Variants in REPS1 observed in about 807,000 individuals in gnomAD.
REPS1 encodes RALBP1 associated Eps domain containing 1.
In REPS1, 39 loss-of-function variants were observed where a neutral mutation model predicts 100.9. The ratio of observed to expected loss-of-function variants is 0.39; its 90% CI spans 0.30 to 0.50. The LOEUF (loss-of-function observed/expected upper bound fraction) is 0.50. Among genes scored for constraint, REPS1 ranks in the 20% least tolerant of loss-of-function variants. The pLI is 0.86. For missense variants in REPS1, 821 were observed against 968.5 expected, an observed-to-expected ratio of 0.85 and a Z score of 2.02; for synonymous variants, 324 against 340.3, an observed-to-expected ratio of 0.95 and a Z score of 0.53.
intron 2 of REPS1, among the ~76,000 whole-genome samples, chr6:138,947,412 G>A (rs1199023233): frequency 6.6e-6 from 1 of 152,096 alleles, no homozygotes; most frequent in Non-Finnish European, 1.5e-5. Flanking sequence ...GTATAATGTT[G>A]TTTTATTGGA....
intron 1 of REPS1, among the ~76,000 whole-genome samples, chr6:138,963,730 C>A (rs9495292): frequency 0.25 from 38,170 of 151,926 alleles, 5,554 homozygotes; most frequent in African/African-American, 0.41. Context: ...GCCAAAGCCC[C>A]GTCATTCCAA....
intron 19 of REPS1, among the ~76,000 whole-genome samples, chr6:138,906,190 A>G (rs761078480): frequency 1.3e-5 from 2 of 152,250 alleles, no homozygotes; most frequent in Non-Finnish European, 2.9e-5. Context: ...TAATAATCAT[A>G]TAACTACAAA....
intron 4 of REPS1, 40 bp from the exon 5 acceptor site, chr6:138,944,662 G>T (rs761985765): frequency 6.4e-7 from 1 of 1,568,572 alleles, no homozygotes; most frequent in Admixed American, 2.0e-5. Flanking sequence ...TCATGTTTGA[G>T]GAAAAAAGTT....
chr6:138,914,124 C>A (rs1780198357), intron 15 of REPS1, among the ~76,000 whole-genome samples: 1 of 152,110 alleles, frequency 6.6e-6, no homozygotes, highest in African/African-American at 2.4e-5. Context: ...GGCTGGAGTG[C>A]AGTGGTGCAA....
Position 138,945,639 on chromosome 6 carries a change from A to C in REPS1, c.336T>G (p.His112Gln). Residue 112 changes from histidine (H) to glutamine (Q), a missense_variant, in exon 3 of 20, where the codon CAT becomes CAG. Coordinates refer to ENST00000450536, the MANE Select transcript of REPS1 (RefSeq NM_001286611.2). ...CAGAATCTGAAGAATATGAGGCTGC[A>C]TGGCGAGATTCCTGTTCATTCTTTG... ...VASKNEQESRHAASYSSDSEN... is the reference protein window; with the variant it reads ...VASKNEQESRQAASYSSDSEN... 1 of 1,613,404 alleles carries C rather than the reference A, an allele frequency of 6.2e-7. No homozygotes were observed. The highest frequency in any genetic ancestry group is 2.2e-5 in the East Asian group (1 of 44,848).
At position 138,962,280 on chromosome 6, in the gene REPS1, C is replaced by T. The variant is rs118068915; in HGVS notation, c.154-14367G>A. 7.6e-4 allele frequency among the ~76,000 whole-genome samples: 116 copies of T among 152,212 alleles called. No homozygotes were observed. In the East Asian group the frequency reaches 0.011, roughly 14 times the overall value. On this transcript the variant is annotated intron_variant, in intron 1 of 19. Transcript: ENST00000450536. ...GTTTCATGAAAGATAATCTTACATA[C>T]AGGCATTATTATATATTAACCTCCC...
At chr6:138,919,128 T>A (rs957879751) in intron 12 of REPS1, among the ~76,000 whole-genome samples, 1 of 152,148 alleles carries the variant, frequency 6.6e-6, no homozygotes, top group African/African-American at 2.4e-5. Flanking sequence ...TCAGTTTTCC[T>A]CATTTTCCTG....
rs950728676 is a variant in REPS1 at position 138,930,087 on chromosome 6, G to A, written c.1147C>T (p.Gln383Ter). 1 of 1,612,806 alleles carries A rather than the reference G, an allele frequency of 6.2e-7. No homozygotes were observed. Among genetic ancestry groups the A allele is most frequent in the Non-Finnish European group, 8.5e-7 (1 of 1,179,060 alleles). ...CCTGAATAACCTACCTCACCTGGCTGATCCCCAACATCTGCAATTTAAAAA... is the reference window on the plus strand; with the variant it reads ...CCTGAATAACCTACCTCACCTGGCTAATCCCCAACATCTGCAATTTAAAAA... ...DLEDSADVGD[Q>*]PGEVGYSGSP... The change falls in exon 9 of 20, where the codon CAG becomes TAG. Residue 383 changes from glutamine (Q) to a stop codon, truncating the protein, a stop_gained. Coordinates refer to ENST00000450536, the MANE Select transcript of REPS1 (RefSeq NM_001286611.2). LOFTEE classifies it high-confidence loss of function.
chr6:138,939,623 G>T (rs1782098087), intron 8 of REPS1, among the ~76,000 whole-genome samples: 1 of 152,106 alleles, frequency 6.6e-6, no homozygotes, highest in South Asian at 2.1e-4. Flanking sequence ...GTATTATTGT[G>T]CTGTCGGTTT....
At chr6:138,937,189 A>T (rs1197096870) in intron 8 of REPS1, among the ~76,000 whole-genome samples, 1 of 152,154 alleles carries the variant, frequency 6.6e-6, no homozygotes, top group African/African-American at 2.4e-5. Context: ...TGCCCCCATG[A>T]TTCAATTACC....
At position 138,914,744 on chromosome 6, in the gene REPS1, C is replaced by G; in HGVS notation, c.1738G>C (p.Val580Leu). The G allele has an allele frequency of 6.2e-7, 1 of 1,611,760 alleles. No individual in the cohort carries two copies. Among genetic ancestry groups the G allele is most frequent in the Non-Finnish European group, 8.5e-7 (1 of 1,179,404 alleles). ...TVTTGQQQAG[V>L]VAHPPAVPPR... ...GGCACTGCAGGAGGATGGGCAACAA[C>G]TCCAGCCTGTTGTTGTCCTGCATGA... is the stretch of plus-strand genomic sequence containing the variant. The change falls in exon 15 of 20, where the codon GTT becomes CTT. Residue 580 changes from valine (V) to leucine (L), a missense_variant. By Grantham distance (32) the Val-to-Leu change is conservative. This residue lies in a region of REPS1 where 757 missense variants were observed against 866.4 expected (regional missense o/e 0.87). Transcript: ENST00000450536.
chr6:138,939,216 T>A (rs1782065827), intron 8 of REPS1, among the ~76,000 whole-genome samples: 2 of 152,138 alleles, frequency 1.3e-5, no homozygotes, highest in African/African-American at 4.8e-5. Flanking sequence ...TTGAATGTAA[T>A]ATAATACCGT....
chr6:138,964,577 T>C (rs1357566695), intron 1 of REPS1, among the ~76,000 whole-genome samples: 1 of 152,056 alleles, frequency 6.6e-6, no homozygotes, highest in East Asian at 1.9e-4. Context: ...CCACAATGTA[T>C]ACATATTTCA....
Position 138,915,869 on chromosome 6 carries a change from G to A in REPS1, c.1709C>T (p.Thr570Ile). ...TCTCTAGCCCCTACCTGTGGTGACT[G>A]TAAAGGTCCGATTCATATCTAAAGA... Reference protein sequence around the residue: ...SSSLDMNRTFTVTTGQQQAGV... With the variant: ...SSSLDMNRTFIVTTGQQQAGV... The change falls in exon 14 of 20, where the codon ACA becomes ATA. Residue 570 changes from threonine (T) to isoleucine (I), a missense_variant. By Grantham distance (89) the Thr-to-Ile change is moderately conservative. This residue lies in a region of REPS1 where 757 missense variants were observed against 866.4 expected (regional missense o/e 0.87). Coordinates refer to ENST00000450536, the MANE Select transcript of REPS1 (RefSeq NM_001286611.2). 6.2e-7 allele frequency: 1 copy of A among 1,607,888 alleles called. No homozygotes were observed. Among genetic ancestry groups the A allele is most frequent in the Non-Finnish European group, 8.5e-7 (1 of 1,174,318 alleles).
rs1419437713 is a variant in REPS1, at chr6:138,914,714, T to G, written c.1768A>C (p.Arg590=). 6.2e-7 allele frequency: 1 copy of G among 1,613,264 alleles called. No individual in the cohort carries two copies. The highest frequency in any genetic ancestry group is 8.5e-7 in the Non-Finnish European group (1 of 1,179,670). ...VVAHPPAVPP[R]PQPSQAPGPA... Reference sequence around the variant, plus strand: ...AGAATTACCTGTGAGGGCTGTGGTCTTGGAGGCACTGCAGGAGGATGGGCA... The same window carrying G: ...AGAATTACCTGTGAGGGCTGTGGTCGTGGAGGCACTGCAGGAGGATGGGCA... Residue 590 remains arginine (R), a synonymous_variant, in exon 15 of 20, where the codon AGA becomes CGA. Transcript: ENST00000450536.
chr6:138,952,391 T>C (rs1440332536), intron 1 of REPS1, among the ~76,000 whole-genome samples: 2 of 148,436 alleles, frequency 1.3e-5, no homozygotes, highest in African/African-American at 5.2e-5. Flanking sequence ...ATCAGTAGCA[T>C]TTTTTTTTCT....
At chr6:138,908,613 T>A in intron 18 of REPS1, 55 bp downstream of exon 18, 1 of 1,594,676 alleles carries the variant, frequency 6.3e-7, no homozygotes, top group South Asian at 1.1e-5. Context: ...TTACTTTTAA[T>A]TGTCGTGCTT....
Position 138,920,328 on chromosome 6 carries a change from T to A in REPS1, c.1427-12A>T. ...GGGATTTGTATGATCTAATAGAGAA[T>A]TAATAGGTAAAAATACAAGACATAG... On this transcript the variant is annotated splice_polypyrimidine_tract_variant and intron_variant, in intron 11 of 19. Transcript: ENST00000450536. 7.2e-7 allele frequency: 1 copy of A among 1,392,222 alleles called. No homozygotes were observed. Among genetic ancestry groups the A allele is most frequent in the Non-Finnish European group, 1.0e-6 (1 of 979,106 alleles). The allele number at this position is 1,392,222 out of a possible 1,614,324, so 86.2% of individuals were successfully genotyped here.
In REPS1 at chr6:138,945,662, T is replaced by C; in HGVS notation, c.313A>G (p.Lys105Glu). Reference sequence around the variant, plus strand: ...GCATGGCGAGATTCCTGTTCATTCTTTGAAGCAACAAATCTTGGCAGAGGA... The same window carrying C: ...GCATGGCGAGATTCCTGTTCATTCTCTGAAGCAACAAATCTTGGCAGAGGA... ...DLPLPRFVASKNEQESRHAAS... is the reference protein window; with the variant it reads ...DLPLPRFVASENEQESRHAAS... Residue 105 changes from lysine to glutamate, a missense_variant, in exon 3 of 20, where the codon AAG becomes GAG. Transcript: ENST00000450536. 6.2e-7 allele frequency: 1 copy of C among 1,610,130 alleles called. No individual in the cohort carries two copies. Among genetic ancestry groups the C allele is most frequent in the Non-Finnish European group, 8.5e-7 (1 of 1,178,666 alleles).
Sources: allele counts gnomAD v4.1 joint callset (sites outside exome capture counted in the v4.1 genomes callset), GRCh38; gene constraint gnomAD v4.1.1; regional missense constraint gnomAD v4.1.1; transcripts MANE v1.5; gene names NCBI Gene and HGNC (gene_info 2026-07-23, HGNC 2026-07-21).